The following FLNC variants were observed in gnomAD, a reference collection of about 807,000 sequenced individuals.
The protein encoded by FLNC is filamin-C.
In FLNC, 91 loss-of-function variants were observed where a neutral mutation model predicts 254.3. The ratio of observed to expected loss-of-function variants is 0.36; its 90% confidence interval spans 0.30 to 0.43. FLNC has a LOEUF of 0.43. FLNC is among the 20% of genes least tolerant of loss of function. FLNC has a pLI of 1.00. For missense variants in FLNC, 2,853 were observed against 3,802.6 expected (o/e 0.75, Z 6.57); for synonymous variants, 1,430 against 1,577.2 (o/e 0.91, Z 2.21).
chr7:128,837,846 G>A, intron 5 of FLNC, 91 bp downstream of exon 5: 1 of 1,390,150 alleles, frequency 7.2e-7, no homozygotes, highest in Non-Finnish European at 1.0e-6. Context: ...GGAGGTGACT[G>A]CCAGAGCCAC....
rs1263142554 is a variant in FLNC at position 128,842,185 on chromosome 7, T to C, written c.2122-46T>C. The C allele has an allele frequency of 1.2e-6, 2 of 1,606,312 alleles. No homozygotes were observed. The highest frequency in any genetic ancestry group is 1.7e-4 in the Middle Eastern group (1 of 5,994). Reference sequence around the variant, plus strand: ...TTCACCTGCGGCCAGCAGAGGGCGCTCTGCAGAGGCCACAGCTATGAACTT... The same window carrying C: ...TTCACCTGCGGCCAGCAGAGGGCGCCCTGCAGAGGCCACAGCTATGAACTT... On this transcript the variant is annotated intron_variant, in intron 13 of 47. Transcript: ENST00000325888. This position sits in a 1 kb window ranked among gnomAD's most constrained non-coding sequence, Gnocchi z 5.4.
In FLNC at chr7:128,845,989, G is replaced by C. The variant is rs781135153; in HGVS notation, c.3791-1G>C. On this transcript the variant is annotated splice_acceptor_variant, in intron 21 of 47. Coordinates refer to ENST00000325888, the MANE Select transcript of FLNC (RefSeq NM_001458.5). LOFTEE classifies it high-confidence loss of function. The stretch of plus-strand genomic sequence containing the variant: ...CTGAACACGCCACCCCTGGGCTCCA[G>C]GTGTCCTGCGGGAGGTGACCACTGA... 8 of 1,613,534 alleles carry C rather than the reference G, an allele frequency of 5.0e-6. No homozygotes were observed. Among genetic ancestry groups the C allele is most frequent in the Non-Finnish European group, 8.5e-7 (1 of 1,179,970 alleles).
Position 128,858,273 on chromosome 7 carries a change from C to A in FLNC, c.7990+56C>A. The A allele has an allele frequency of 8.1e-7, 1 of 1,238,474 alleles. No homozygotes were observed. The highest frequency in any genetic ancestry group is 1.8e-5 in the Admixed American group (1 of 54,268). 76.7% of individuals were successfully genotyped at this position (1,238,474 alleles called of 1,614,324 possible). On this transcript the variant is annotated intron_variant, in intron 47 of 47. Transcript: ENST00000325888. The surrounding 1 kb of genome is among the most constrained non-coding windows in gnomAD (Gnocchi z 6.7). ...GTGTGAGCAAGAAGCCGTCAGGGAG[C>A]AGGGTGTGGGTCACAGTAGGGGACT...
At chr7:128,849,094 AGCCCTG>A in intron 28 of FLNC, 81 bp from the exon 29 acceptor site, 1 of 1,578,660 alleles carries the variant, frequency 6.3e-7, no homozygotes, top group Non-Finnish European at 8.7e-7. Flanking sequence ...CACATGCCCT[AGCCCTG>A]GCCCCTCCCT....
Position 128,846,372 on chromosome 7 carries a change from G to T in FLNC, c.4036G>T (p.Glu1346Ter). The T allele has an allele frequency of 6.2e-7, 1 of 1,612,776 alleles. No homozygotes were observed. ...PKSPFRVGVTEGCDPTRVRAF... is the reference protein window; with the variant it reads ...PKSPFRVGVT ...GAGCCCCTTCCGAGTGGGCGTGACCGAGGGCTGTGATCCCACCCGCGTCCG... is the reference window on the plus strand; with the variant it reads ...GAGCCCCTTCCGAGTGGGCGTGACCTAGGGCTGTGATCCCACCCGCGTCCG... Residue 1346 changes from glutamate (E) to a stop codon, truncating the protein, a stop_gained, in exon 23 of 48, where the codon GAG (glutamate) becomes TAG (stop). Transcript: ENST00000325888. LOFTEE classifies it high-confidence loss of function.
intron 42 of FLNC, 99 bp downstream of exon 42, chr7:128,855,011 C>T: frequency 2.9e-6 from 4 of 1,366,258 alleles, no homozygotes; most frequent in Non-Finnish European, 4.2e-6. Flanking sequence ...CCACAGAACT[C>T]CCCTCCCCGG....
chr7:128,841,167 C>T lies in FLNC; in HGVS notation c.1814-3C>T, dbSNP rs1162747854. 1 of 1,613,498 alleles carries T rather than the reference C, an allele frequency of 6.2e-7. No homozygotes were observed. ...TCCCCGACCCTCCCCCACCTTGCCC[C>T]AGGCTTCTCCATCGAGGGGCCCTCA... On this transcript the variant is annotated splice_region_variant and splice_polypyrimidine_tract_variant and intron_variant, in intron 11 of 47. Transcript: ENST00000325888. The surrounding 1 kb of genome is among the most constrained non-coding windows in gnomAD (Gnocchi z 4.3).
chr7:128,850,735 G>A lies in FLNC; in HGVS notation c.5399-68G>A. 12 of 1,608,338 alleles carry A rather than the reference G, an allele frequency of 7.5e-6. No individual in the cohort carries two copies. The South Asian group carries it at 1.3e-4, about 18-fold the overall frequency. ...TGGCAGCAGAAGCACTCAGGACCAG[G>A]CCTGGGACAGCAGGGAGGTTGCAGT... On this transcript the variant is annotated intron_variant, in intron 32 of 47. Coordinates refer to ENST00000325888, the MANE Select transcript of FLNC (RefSeq NM_001458.5).
intron 37 of FLNC, 56 bp downstream of exon 37, chr7:128,853,087 T>A: frequency 6.6e-7 from 1 of 1,511,302 alleles, no homozygotes; most frequent in Non-Finnish European, 9.2e-7. Flanking sequence ...CAGGCACTTG[T>A]CCTCGTCCTG....
intron 32 of FLNC, 108 bp downstream of exon 32, chr7:128,850,591 C>A (rs1808765722): frequency 2.5e-6 from 3 of 1,207,378 alleles, no homozygotes; most frequent in African/African-American, 1.5e-5. Context: ...AGGAAGTGAG[C>A]TCTACCCAGG....
At chr7:128,831,937 C>A (rs1034007124) in intron 1 of FLNC, among the ~76,000 whole-genome samples, 1 of 152,072 alleles carries the variant, frequency 6.6e-6, no homozygotes, top group Non-Finnish European at 1.5e-5. Context: ...AAGATCCCCC[C>A]GCCCACCCCT....
chr7:128,840,495 G>A, intron 9 of FLNC, 53 bp from the exon 10 acceptor site: 1 of 1,613,104 alleles, frequency 6.2e-7, no homozygotes, highest in Non-Finnish European at 8.5e-7. Context: ...GAGGAGCTGG[G>A]ACTTCAAGGA....
In FLNC at chr7:128,854,555, C is replaced by G. The variant is rs771874387; in HGVS notation, c.6870C>G (p.Val2290=). Residue 2290 remains valine, a synonymous_variant, in exon 41 of 48, where the codon GTC becomes GTG. Coordinates refer to ENST00000325888, the MANE Select transcript of FLNC (RefSeq NM_001458.5). ...AAATGGGGCCCCATACGGTCGCTGT[C>G]AAGTACCGTGGCCAGCACGTGCCCG... ...PQEMGPHTVA[V]KYRGQHVPGS... The G allele has an allele frequency of 1.1e-5, 17 of 1,608,110 alleles. No individual in the cohort carries two copies. Among genetic ancestry groups the G allele is most frequent in the Non-Finnish European group, 1.3e-5 (15 of 1,177,880 alleles).
chr7:128,858,759 G>T lies in FLNC; in HGVS notation c.*236G>T. The T allele has an allele frequency of 1.8e-6, 1 of 569,324 alleles. No homozygotes were observed. The highest frequency in any genetic ancestry group is 3.2e-6 in the Non-Finnish European group (1 of 316,316). The allele number at this position is 569,324 out of a possible 1,614,324, so 35.3% of individuals were successfully genotyped here. The stretch of plus-strand genomic sequence containing the variant: ...TCCCTGGGAATGTGACATGAGGGCC[G>T]ACTGGGGCCAGGCTCAGGGGCAGAG... On this transcript the variant is annotated 3_prime_UTR_variant, in exon 48 of 48. Transcript: ENST00000325888. This position sits in a 1 kb window ranked among gnomAD's most constrained non-coding sequence, Gnocchi z 6.7.
At chr7:128,850,512 G>C (rs1245425669) in intron 32 of FLNC, 29 bp downstream of exon 32, 10 of 1,564,010 alleles carry the variant, frequency 6.4e-6, no homozygotes, top group Non-Finnish European at 8.8e-6. Context: ...CAGGCATGAG[G>C]GCTGAGGGGA....
chr7:128,838,107 C>G, intron 6 of FLNC, 43 bp downstream of exon 6: 1 of 1,571,892 alleles, frequency 6.4e-7, no homozygotes, highest in Non-Finnish European at 8.8e-7. Context: ...CTCTTCACAT[C>G]CTTGGTTCCG....
rs774968828 is a variant in FLNC at position 128,845,210 on chromosome 7, G to A, written c.3745G>A (p.Asp1249Asn). 2.0e-5 allele frequency: 32 copies of A among 1,613,722 alleles called. No homozygotes were observed. The highest frequency in any genetic ancestry group is 2.5e-5 in the Non-Finnish European group (30 of 1,180,036). Residue 1249 changes from aspartate to asparagine, a missense_variant, in exon 21 of 48, where the codon GAT (aspartate) becomes AAT (asparagine). Asp to Asn is a conservative substitution (Grantham distance 23). Coordinates refer to ENST00000325888, the MANE Select transcript of FLNC (RefSeq NM_001458.5). ...PTRVHVQPAV[D>N]TSGVKVSGPG... is the part of the protein sequence containing the mutation. ...CCGTGTCCATGTGCAGCCTGCGGTC[G>A]ATACCAGTGGCGTCAAGGTCTCAGG... is the stretch of plus-strand genomic sequence containing the variant.
intron 16 of FLNC, 137 bp downstream of exon 16, chr7:128,843,091 C>T: frequency 7.2e-7 from 1 of 1,385,750 alleles, no homozygotes; most frequent in South Asian, 1.2e-5. Context: ...CAGGGTGCCT[C>T]AGAGGAAGCA....
chr7:128,855,293 T>A lies in FLNC; in HGVS notation c.7230T>A (p.Arg2410=). 6.2e-7 allele frequency: 1 copy of A among 1,612,490 alleles called. No homozygotes were observed. Among genetic ancestry groups the A allele is most frequent in the Non-Finnish European group, 8.5e-7 (1 of 1,178,848 alleles). The change falls in exon 43 of 48, where the codon CGT becomes CGA. Residue 2410 remains arginine, a synonymous_variant. Transcript: ENST00000325888. ...PVASLSDDAR[R]LTVTSLQETG... Reference sequence around the variant, plus strand: ...CCTCCCTCTCGGATGACGCTCGCCGTCTCACTGTCACCAGCCTCCAGGTTT... The same window carrying A: ...CCTCCCTCTCGGATGACGCTCGCCGACTCACTGTCACCAGCCTCCAGGTTT...
Sources: allele counts gnomAD v4.1 joint callset (sites outside exome capture counted in the v4.1 genomes callset), GRCh38; gene constraint gnomAD v4.1.1; non-coding constraint Gnocchi (gnomAD v3.1); transcripts MANE v1.5; gene names NCBI Gene and HGNC (gene_info 2026-07-23, HGNC 2026-07-21).